The following TET1 variants were observed in gnomAD, a reference collection of about 807,000 sequenced individuals.
TET1 encodes the protein methylcytosine dioxygenase TET1.
Under a neutral mutation model 148.7 loss-of-function variants are expected in TET1, and 13 were observed. That is an observed-to-expected ratio of 0.09 (90% confidence interval 0.06 to 0.14). The LOEUF is 0.14. TET1 is among the 10% of genes least tolerant of loss of function. The probability of loss-of-function intolerance (pLI) is 1.00; values close to 1 mark genes in which losing one functional copy is unlikely to be tolerated. For synonymous variants in TET1, 907 were observed against 937.2 expected, an observed-to-expected ratio of 0.97 and a Z score of 0.59; for missense variants, 2,182 against 2,553.8, an observed-to-expected ratio of 0.85 and a Z score of 3.14.
chr10:68,661,682 A>G (rs1344762852), intron 6 of TET1, among the ~76,000 whole-genome samples: 2 of 151,588 alleles, frequency 1.3e-5, no homozygotes, highest in African/African-American at 2.4e-5. Flanking sequence ...ACGGGGTCTC[A>G]TTTCATTGCC....
At chr10:68,659,175 G>C (rs569449387) in intron 6 of TET1, among the ~76,000 whole-genome samples, 1 of 152,156 alleles carries the variant, frequency 6.6e-6, no homozygotes, top group East Asian at 1.9e-4. Flanking sequence ...GAGCTTCTGG[G>C]GTAATGGCAG....
intron 3 of TET1, chr10:68,632,733 C>G (rs921675873): frequency 6.2e-7 from 1 of 1,600,020 alleles, no homozygotes; most frequent in Non-Finnish European, 8.5e-7. Flanking sequence ...ATTGAACAAT[C>G]TTGAGCATAG....
intron 8 of TET1, chr10:68,675,066 C>G (rs541713065): frequency 1.1e-5 from 6 of 554,804 alleles, no homozygotes; most frequent in South Asian, 9.3e-5. Context: ...TAAAGTAGAA[C>G]GAGCTGATGG....
rs529036586 is a variant in TET1 at position 68,570,779 on chromosome 10, G to A, written c.-122-1438G>A. Among the ~76,000 whole-genome samples, 8 of 151,062 alleles carry A rather than the reference G, an allele frequency of 5.3e-5. No individual in the cohort carries two copies. In the East Asian group the frequency reaches 5.9e-4, roughly 11 times the overall value. ...TGAGTAGCTGGGACTACGGGCACCC[G>A]CCGCCACGCCCAGCTCATTTTTTTT... On this transcript the variant is annotated intron_variant, in intron 1 of 11. Coordinates refer to ENST00000373644, the MANE Select transcript of TET1 (RefSeq NM_030625.3).
At position 68,573,851 on chromosome 10, in the gene TET1, A is replaced by G. The variant is rs2053698956; in HGVS notation, c.1513A>G (p.Ile505Val). 1.2e-6 allele frequency: 2 copies of G among 1,614,032 alleles called. No homozygotes were observed. Among genetic ancestry groups the G allele is most frequent in the Middle Eastern group, 1.6e-4 (1 of 6,084 alleles). Residue 505 changes from isoleucine (I) to valine (V), a missense_variant, in exon 2 of 12, where the codon ATA (isoleucine) becomes GTA (valine). Transcript: ENST00000373644. Reference sequence around the variant, plus strand: ...TGTAGAAAATGAGAAGCAGGTTCATATAAGCTTCCTGCCAGCTAACACTCA... The same window carrying G: ...TGTAGAAAATGAGAAGCAGGTTCATGTAAGCTTCCTGCCAGCTAACACTCA... ...SNVENEKQVH[I>V]SFLPANTQGF... is the part of the protein sequence containing the mutation.
chr10:68,669,486 T>TG (rs1254003001), intron 7 of TET1, among the ~76,000 whole-genome samples: 9 of 137,212 alleles, frequency 6.6e-5, no homozygotes, highest in Middle Eastern at 4.1e-3. Flanking sequence ...TTTTTTTTTT[T>TG]TTTTTTGTAT....
chr10:68,632,046 C>T (rs569300154), intron 3 of TET1, among the ~76,000 whole-genome samples: 9 of 151,984 alleles, frequency 5.9e-5, no homozygotes, highest in African/African-American at 1.9e-4. Context: ...AGGATCTGGC[C>T]GGGCGTGGTG....
chr10:68,680,727 C>T (rs1485033581), intron 8 of TET1, among the ~76,000 whole-genome samples: 4 of 152,190 alleles, frequency 2.6e-5, no homozygotes, highest in Non-Finnish European at 5.9e-5. Context: ...TGTTAATGGT[C>T]CTCATAGTCC....
At chr10:68,670,083 C>T (rs544012008) in intron 7 of TET1, among the ~76,000 whole-genome samples, 1 of 152,264 alleles carries the variant, frequency 6.6e-6, no homozygotes, top group African/African-American at 2.4e-5. Context: ...TAGACTTTGT[C>T]TTTTTCCCTA....
chr10:68,603,506 C>CATAT (rs77560985), intron 3 of TET1, among the ~76,000 whole-genome samples: 48,075 of 151,884 alleles, frequency 0.32, 8,262 homozygotes, highest in Middle Eastern at 0.42. Context: ...TATGATGACT[C>CATAT]ATATGTGTAA....
rs761516717 is a variant in TET1 at position 68,619,898 on chromosome 10, AGT to A, written c.1968+18867_1968+18868del. Among the ~76,000 whole-genome samples, 127 of 152,296 alleles carry A rather than the reference AGT, an allele frequency of 8.3e-4. 1 individual carries two copies. The highest frequency in any genetic ancestry group is 1.4e-3 in the Admixed American group (21 of 15,264). On this transcript the variant is annotated intron_variant, in intron 3 of 11. Transcript: ENST00000373644. ...TATACCATACAGTTCACTCATTTAA[AGT>A]GTACAATTCAGGCTGGGCATGGTGG...
At chr10:68,561,555 T>C (rs1564943073) in intron 1 of TET1, among the ~76,000 whole-genome samples, 1 of 151,920 alleles carries the variant, frequency 6.6e-6, no homozygotes, top group African/African-American at 2.4e-5. Context: ...GCCCCGAGGG[T>C]GGGAGGTGCG....
intron 8 of TET1, chr10:68,675,060 G>A (rs1341719236): frequency 1.8e-6 from 1 of 543,806 alleles, no homozygotes; most frequent in African/African-American, 2.1e-5. Flanking sequence ...AGGTGCTAAA[G>A]TAGAACGAGC....
chr10:68,607,068 A>G (rs1283679188), intron 3 of TET1, among the ~76,000 whole-genome samples: 1 of 152,066 alleles, frequency 6.6e-6, no homozygotes, highest in Non-Finnish European at 1.5e-5. Flanking sequence ...CTCAAGACTC[A>G]TGTCCATTCT....
chr10:68,610,814 C>G (rs570821224), intron 3 of TET1, among the ~76,000 whole-genome samples: 10 of 152,142 alleles, frequency 6.6e-5, no homozygotes, highest in African/African-American at 2.2e-4. Flanking sequence ...CACCACCAAT[C>G]CCGCCTAATT....
intron 2 of TET1, among the ~76,000 whole-genome samples, chr10:68,594,463 G>A (rs1026764541): frequency 1.3e-5 from 2 of 152,162 alleles, no homozygotes; most frequent in African/African-American, 4.8e-5. Flanking sequence ...CAGAACTGCT[G>A]GAAGGAATCC....
At chr10:68,605,320 A>C (rs1170219955) in intron 3 of TET1, among the ~76,000 whole-genome samples, 1 of 152,086 alleles carries the variant, frequency 6.6e-6, no homozygotes, top group African/African-American at 2.4e-5. Context: ...CTAAAAATAC[A>C]AAATTAGCCA....
intron 2 of TET1, among the ~76,000 whole-genome samples, chr10:68,590,938 C>T (rs1418884692): frequency 1.3e-5 from 2 of 152,052 alleles, no homozygotes; most frequent in African/African-American, 2.4e-5. Flanking sequence ...TCATTGCAAC[C>T]TCCACCTCCC....
chr10:68,672,236 A>G (rs1214233766), intron 7 of TET1, among the ~76,000 whole-genome samples: 2 of 151,966 alleles, frequency 1.3e-5, no homozygotes, highest in African/African-American at 2.4e-5. Context: ...AGTGCCTCAC[A>G]CCCGTAATCC....
Sources: gnomAD v4.1 joint callset for allele counts (sites outside exome capture counted in the v4.1 genomes callset) on GRCh38, gnomAD v4.1.1 for gene constraint, MANE v1.5 for transcripts, NCBI Gene and HGNC (gene_info 2026-07-23, HGNC 2026-07-21) for gene names.